The following CNTN4 variants were observed in gnomAD, a reference collection of about 807,000 sequenced individuals.
The protein encoded by CNTN4 is contactin-4.
CNTN4 carries 77 observed loss-of-function variants against 122.5 expected under a neutral mutation model. The observed-to-expected ratio is 0.63, with a 90% CI of 0.52 to 0.76. The LOEUF is 0.76. Among genes scored for constraint, CNTN4 ranks in the 30% least tolerant of loss-of-function variants. The pLI is 0.00. For missense variants in CNTN4, 1,256 were observed against 1,259.1 expected (o/e 1.00, Z 0.04); for synonymous variants, 512 against 447.0 (o/e 1.15, Z -1.83).
At chr3:2,310,559 T>C (rs2042877629) in intron 2 of CNTN4, among the ~76,000 whole-genome samples, 1 of 152,106 alleles carries the variant, frequency 6.6e-6, no homozygotes, top group Admixed American at 6.6e-5. Flanking sequence ...CTCATCACAC[T>C]TTCTCCTTAT....
intron 3 of CNTN4, among the ~76,000 whole-genome samples, chr3:2,567,367 TGAGCCACC>T (rs1304753917): frequency 1.9e-3 from 217 of 112,088 alleles, no homozygotes; most frequent in Non-Finnish European, 2.6e-4. Flanking sequence ...ATTACAGGCA[TGAGCCACC>T]GTGCCTGGCC....
intron 5 of CNTN4, among the ~76,000 whole-genome samples, chr3:2,742,109 T>C (rs1373812391): frequency 6.6e-6 from 1 of 152,134 alleles, no homozygotes; most frequent in African/African-American, 2.4e-5. Context: ...TGCCTGAACT[T>C]TTTCAGTCTT....
At chr3:2,812,740 T>C (rs759681148) in intron 6 of CNTN4, among the ~76,000 whole-genome samples, 7 of 152,350 alleles carry the variant, frequency 4.6e-5, no homozygotes, top group Non-Finnish European at 1.0e-4. Context: ...CCAGGCAGCA[T>C]CTTAAGTGCT....
chr3:2,980,789 G>A (rs1021385616), intron 13 of CNTN4, among the ~76,000 whole-genome samples: 7 of 152,168 alleles, frequency 4.6e-5, no homozygotes, highest in African/African-American at 1.4e-4. Flanking sequence ...AGATTTTATA[G>A]ACAGGCTTGA....
intron 3 of CNTN4, among the ~76,000 whole-genome samples, chr3:2,516,585 A>G (rs984973519): frequency 6.6e-6 from 1 of 152,150 alleles, no homozygotes; most frequent in African/African-American, 2.4e-5. Flanking sequence ...GGACATAGAC[A>G]TGACTCTAGG....
chr3:2,236,681 A>C (rs2039692821), intron 2 of CNTN4, among the ~76,000 whole-genome samples: 1 of 152,234 alleles, frequency 6.6e-6, no homozygotes, highest in Admixed American at 6.5e-5. Flanking sequence ...ACATTAAAAA[A>C]GCATGTCCTC....
At chr3:2,573,428 C>A (rs1469604786) in intron 4 of CNTN4, among the ~76,000 whole-genome samples, 1 of 152,106 alleles carries the variant, frequency 6.6e-6, no homozygotes, top group Non-Finnish European at 1.5e-5. Context: ...GCTCTAATAC[C>A]TCAGTTGTTT....
At chr3:2,525,022 A>G (rs1171846354) in intron 3 of CNTN4, among the ~76,000 whole-genome samples, 1 of 152,126 alleles carries the variant, frequency 6.6e-6, no homozygotes, top group Non-Finnish European at 1.5e-5. Context: ...TGAAAGTGCC[A>G]ATTAAGATAA....
chr3:2,237,334 G>C (rs2039722566), intron 2 of CNTN4, among the ~76,000 whole-genome samples: 1 of 152,100 alleles, frequency 6.6e-6, no homozygotes, highest in African/African-American at 2.4e-5. Flanking sequence ...TGTAAGCTGG[G>C]TGTGGTTACT....
intron 6 of CNTN4, among the ~76,000 whole-genome samples, chr3:2,748,785 C>G (rs1020923930): frequency 5.9e-5 from 9 of 152,322 alleles, no homozygotes; most frequent in African/African-American, 2.2e-4. Context: ...TATCCTAAAA[C>G]TGCCAGAGTA....
intron 4 of CNTN4, among the ~76,000 whole-genome samples, chr3:2,617,733 CT>C (rs1359367240): frequency 2.6e-5 from 4 of 151,960 alleles, no homozygotes; most frequent in South Asian, 2.1e-4. Context: ...GAGAAATGCC[CT>C]TTTTTTAAAG....
At chr3:2,676,974 G>T (rs1001572073) in intron 4 of CNTN4, among the ~76,000 whole-genome samples, 16 of 152,100 alleles carry the variant, frequency 1.1e-4, no homozygotes, top group Admixed American at 5.2e-4. Context: ...GAAATCTTCA[G>T]AGCCTGCAGG....
At chr3:2,465,754 CT>C (rs1388127780) in intron 3 of CNTN4, among the ~76,000 whole-genome samples, 1 of 152,056 alleles carries the variant, frequency 6.6e-6, no homozygotes, top group Non-Finnish European at 1.5e-5. Flanking sequence ...CTTGAAACCT[CT>C]CTGTGTTTTC....
At chr3:2,633,065 C>G (rs1036142041) in intron 4 of CNTN4, among the ~76,000 whole-genome samples, 2 of 150,918 alleles carry the variant, frequency 1.3e-5, no homozygotes, top group Non-Finnish European at 3.0e-5. Context: ...CACTATCTGC[C>G]TTTCGCTTCA....
chr3:2,404,881 T>A (rs1224597974), intron 3 of CNTN4, among the ~76,000 whole-genome samples: 1 of 152,196 alleles, frequency 6.6e-6, no homozygotes, highest in African/African-American at 2.4e-5. Context: ...TCAACTTATG[T>A]TATTCTTATG....
chr3:2,910,999 C>T (rs1017280266), intron 12 of CNTN4, among the ~76,000 whole-genome samples: 1 of 152,202 alleles, frequency 6.6e-6, no homozygotes, highest in African/African-American at 2.4e-5. Flanking sequence ...ACCTCCCACT[C>T]CCCACAGCGT....
intron 3 of CNTN4, among the ~76,000 whole-genome samples, chr3:2,539,919 T>G (rs9878895): frequency 0.25 from 37,789 of 151,906 alleles, 5,473 homozygotes; most frequent in East Asian, 0.55. Flanking sequence ...CAGTGTTAGA[T>G]CTAGGAGGGA....
intron 4 of CNTN4, among the ~76,000 whole-genome samples, chr3:2,705,986 T>C (rs2149298619): frequency 7.4e-6 from 1 of 135,526 alleles, no homozygotes; most frequent in South Asian, 2.1e-4. Context: ...ATATAAAATA[T>C]AAAATAAATA....
intron 13 of CNTN4, among the ~76,000 whole-genome samples, chr3:2,978,190 T>G (rs1406763291): frequency 6.6e-6 from 1 of 152,170 alleles, no homozygotes; most frequent in East Asian, 1.9e-4. Context: ...AGGAAACTAC[T>G]ACCACACCAC....
Sources: gnomAD v4.1 joint callset for allele counts (sites outside exome capture counted in the v4.1 genomes callset) on GRCh38, gnomAD v4.1.1 for gene constraint, MANE v1.5 for transcripts, NCBI Gene and HGNC (gene_info 2026-07-23, HGNC 2026-07-21) for gene names.